The following CACNA2D3 variants were observed in gnomAD, a reference collection of about 807,000 sequenced individuals.
The protein encoded by CACNA2D3 is calcium voltage-gated channel auxiliary subunit alpha2delta 3.
A neutral mutation model predicts 160.6 loss-of-function variants in CACNA2D3; 60 were observed. The ratio of observed to expected loss-of-function variants is 0.37; its 90% CI spans 0.30 to 0.46. The LOEUF is 0.46. CACNA2D3 is among the 20% of genes least tolerant of loss of function. The pLI, the probability that CACNA2D3 is intolerant of heterozygous loss-of-function variation, is 1.00. For synonymous variants in CACNA2D3, 558 were observed against 492.9 expected, an observed-to-expected ratio of 1.13 and a Z score of -1.75; for missense variants, 1,205 against 1,365.0, an observed-to-expected ratio of 0.88 and a Z score of 1.85.
At position 54,442,399 on chromosome 3, in the gene CACNA2D3, G is replaced by T. The variant is rs967410434; in HGVS notation, c.381+55625G>T. ...TGGAGCACAGATGCTGTGCTTGGAG[G>T]TGTAGCAGCCATTCTGCTACTATGA... On this transcript the variant is annotated intron_variant, in intron 4 of 37. Coordinates refer to ENST00000474759, the MANE Select transcript of CACNA2D3 (RefSeq NM_018398.3). Among the ~76,000 whole-genome samples the T allele has an allele frequency of 4.6e-5, 7 of 152,132 alleles. 1 individual carries two copies. The highest frequency in any genetic ancestry group is 4.4e-5 in the Non-Finnish European group (3 of 68,010).
At chr3:54,877,280 G>A (rs763276083) in intron 18 of CACNA2D3, 2 of 152,220 alleles carry the variant, frequency 1.3e-5, no homozygotes, top group African/African-American at 2.4e-5. Context: ...TCCGAATCCT[G>A]ATGCTTTAAG....
chr3:54,890,757 C>G (rs1050472853), intron 24 of CACNA2D3, among the ~76,000 whole-genome samples: 1 of 152,128 alleles, frequency 6.6e-6, no homozygotes, highest in Non-Finnish European at 1.5e-5. Flanking sequence ...CTTTACACAT[C>G]TCTTTGGGGT....
chr3:55,070,153 A>AACAGGG (rs1341488592), intron 35 of CACNA2D3, among the ~76,000 whole-genome samples: 6 of 152,212 alleles, frequency 3.9e-5, no homozygotes, highest in African/African-American at 4.8e-5. Flanking sequence ...GTTGCCTTGG[A>AACAGGG]AACTACAGTC....
chr3:54,641,196 G>T (rs1456068223), intron 10 of CACNA2D3, among the ~76,000 whole-genome samples: 1 of 152,136 alleles, frequency 6.6e-6, no homozygotes, highest in Non-Finnish European at 1.5e-5. Context: ...TACATTTAAG[G>T]GAGACTGAAG....
chr3:54,167,214 A>G (rs1043436938), intron 2 of CACNA2D3, among the ~76,000 whole-genome samples: 2 of 152,158 alleles, frequency 1.3e-5, no homozygotes, highest in Non-Finnish European at 2.9e-5. Context: ...TCATAAGCTC[A>G]CCTGGGGTGT....
chr3:54,809,522 G>T (rs1406211957), intron 13 of CACNA2D3, among the ~76,000 whole-genome samples: 1 of 142,924 alleles, frequency 7.0e-6, no homozygotes, highest in Non-Finnish European at 1.5e-5. Flanking sequence ...GTTTCACCTT[G>T]TTAGCCAGGA....
chr3:54,568,265 A>G (rs986064644), intron 6 of CACNA2D3, among the ~76,000 whole-genome samples: 2 of 152,106 alleles, frequency 1.3e-5, no homozygotes, highest in African/African-American at 2.4e-5. Flanking sequence ...ATTCAAATTC[A>G]CTCAAATTTG....
At chr3:54,705,054 G>A (rs1310739091) in intron 11 of CACNA2D3, among the ~76,000 whole-genome samples, 1 of 152,092 alleles carries the variant, frequency 6.6e-6, no homozygotes, top group African/African-American at 2.4e-5. Context: ...ACTGTCATCT[G>A]CACGGGTCTT....
intron 3 of CACNA2D3, among the ~76,000 whole-genome samples, chr3:54,322,892 T>C (rs974277842): frequency 6.6e-6 from 1 of 152,230 alleles, no homozygotes; most frequent in Admixed American, 6.5e-5. Flanking sequence ...TCTGTTTAAA[T>C]TGAAATATTC....
At chr3:54,468,034 A>C (rs1216357561) in intron 4 of CACNA2D3, among the ~76,000 whole-genome samples, 1 of 152,190 alleles carries the variant, frequency 6.6e-6, no homozygotes, top group African/African-American at 2.4e-5. Flanking sequence ...TAAAAAATTG[A>C]AACAAAAAAT....
intron 4 of CACNA2D3, among the ~76,000 whole-genome samples, chr3:54,419,848 C>A (rs1699810799): frequency 6.6e-6 from 1 of 152,152 alleles, no homozygotes; most frequent in African/African-American, 2.4e-5. Context: ...TCACTGCAAC[C>A]TCCGTCTCCT....
chr3:54,702,891 C>CA (rs1234306179), intron 11 of CACNA2D3, among the ~76,000 whole-genome samples: 21 of 152,286 alleles, frequency 1.4e-4, no homozygotes, highest in Middle Eastern at 3.4e-3. Flanking sequence ...TGGAATACTA[C>CA]ATAGCCATAA....
chr3:54,434,164 A>G (rs1700028873), intron 4 of CACNA2D3, among the ~76,000 whole-genome samples: 1 of 152,194 alleles, frequency 6.6e-6, no homozygotes, highest in Non-Finnish European at 1.5e-5. Flanking sequence ...TAGTGAAACG[A>G]GCCTCCACTC....
At chr3:54,152,586 T>C (rs540475342) in intron 2 of CACNA2D3, among the ~76,000 whole-genome samples, 67 of 152,286 alleles carry the variant, frequency 4.4e-4, no homozygotes, top group Non-Finnish European at 6.6e-4. Flanking sequence ...ATGGACGCAC[T>C]GAGTGGTAAG....
At chr3:54,661,319 C>T (rs1175071461) in intron 11 of CACNA2D3, among the ~76,000 whole-genome samples, 1 of 152,124 alleles carries the variant, frequency 6.6e-6, no homozygotes, top group Non-Finnish European at 1.5e-5. Flanking sequence ...AGATTTGGAT[C>T]ACTTTAATTT....
At chr3:54,511,246 G>A (rs921254608) in intron 5 of CACNA2D3, among the ~76,000 whole-genome samples, 4 of 152,136 alleles carry the variant, frequency 2.6e-5, no homozygotes, top group African/African-American at 7.2e-5. Flanking sequence ...TTATGCCCCC[G>A]TGTGGGGGTT....
At chr3:54,544,396 C>CTT (rs796305037) in intron 5 of CACNA2D3, among the ~76,000 whole-genome samples, 4 of 135,552 alleles carry the variant, frequency 3.0e-5, no homozygotes, top group South Asian at 2.4e-4. Flanking sequence ...CCAAACTAGC[C>CTT]TTTTTTTTTT....
At chr3:54,945,819 C>T (rs1436893532) in intron 27 of CACNA2D3, among the ~76,000 whole-genome samples, 1 of 152,154 alleles carries the variant, frequency 6.6e-6, no homozygotes, top group Non-Finnish European at 1.5e-5. Flanking sequence ...TTGCAGCATG[C>T]AGAGAAGTTA....
At chr3:54,718,473 T>C (rs998864187) in intron 11 of CACNA2D3, among the ~76,000 whole-genome samples, 22 of 152,120 alleles carry the variant, frequency 1.4e-4, no homozygotes, top group African/African-American at 4.8e-4. Context: ...GTTTTTCCCA[T>C]TGGATTATAG....
Sources: gnomAD v4.1 joint callset for allele counts (sites outside exome capture counted in the v4.1 genomes callset) on GRCh38, gnomAD v4.1.1 for gene constraint, MANE v1.5 for transcripts, NCBI Gene and HGNC (gene_info 2026-07-23, HGNC 2026-07-21) for gene names.